Variants in DNER observed in about 807,000 individuals in gnomAD.
The protein encoded by DNER is delta and Notch-like epidermal growth factor-related receptor.
Under a neutral mutation model 78.2 loss-of-function variants are expected in DNER, and 33 were observed. The ratio of observed to expected loss-of-function variants is 0.42; its 90% CI spans 0.32 to 0.56. The LOEUF (loss-of-function observed/expected upper bound fraction) is 0.56, where lower values mean the gene tolerates loss of function less well. DNER is among the 20% of genes least tolerant of loss of function. The probability of loss-of-function intolerance (pLI) is 0.11; values close to 1 mark genes in which losing one functional copy is unlikely to be tolerated. For synonymous variants in DNER, 417 were observed against 384.8 expected (o/e 1.08, Z -0.98); for missense variants, 918 against 975.3 (o/e 0.94, Z 0.78).
At chr2:229,473,990 C>T (rs780570832) in intron 7 of DNER, among the ~76,000 whole-genome samples, 9 of 152,122 alleles carry the variant, frequency 5.9e-5, no homozygotes, top group Non-Finnish European at 1.3e-4. Context: ...ACTGCAACTT[C>T]CGCCTCCTGG....
intron 4 of DNER, among the ~76,000 whole-genome samples, chr2:229,554,862 GAAGA>G (rs1696820932): frequency 2.5e-4 from 9 of 35,422 alleles, no homozygotes; most frequent in Admixed American, 2.0e-3. Flanking sequence ...AAGGAAAAGA[GAAGA>G]GAAGAGAAGA....
intron 4 of DNER, among the ~76,000 whole-genome samples, chr2:229,559,642 G>A (rs1696919264): frequency 6.6e-6 from 1 of 152,064 alleles, no homozygotes; most frequent in East Asian, 1.9e-4. Flanking sequence ...GAAAGGGAAG[G>A]AAGGAGGGAG....
At chr2:229,407,469 G>A (rs1693413936) in intron 9 of DNER, 124 bp from the exon 10 acceptor site, 2 of 760,736 alleles carry the variant, frequency 2.6e-6, no homozygotes, top group South Asian at 1.8e-5. Flanking sequence ...GTGTGTGTGG[G>A]TGAGTGTATA....
intron 1 of DNER, among the ~76,000 whole-genome samples, chr2:229,701,274 C>T (rs1699742678): frequency 6.6e-6 from 1 of 152,194 alleles, no homozygotes; most frequent in Non-Finnish European, 1.5e-5. Flanking sequence ...GCAAAATTTA[C>T]CTTCTACAAT....
chr2:229,467,190 A>G (rs1286456048), intron 7 of DNER, among the ~76,000 whole-genome samples: 1 of 152,158 alleles, frequency 6.6e-6, no homozygotes, highest in Non-Finnish European at 1.5e-5. Context: ...GACTCTAAAC[A>G]TGACAACTTC....
intron 4 of DNER, among the ~76,000 whole-genome samples, chr2:229,554,252 A>G (rs1198009760): frequency 2.6e-5 from 4 of 152,332 alleles, no homozygotes; most frequent in South Asian, 4.1e-4. Context: ...GATGGATTCA[A>G]AAAAGTAGTA....
chr2:229,424,796 CTGT>C (rs1420051968), intron 8 of DNER, among the ~76,000 whole-genome samples: 10 of 152,168 alleles, frequency 6.6e-5, no homozygotes, highest in Non-Finnish European at 1.0e-4. Flanking sequence ...AGTCACAAGA[CTGT>C]TGGTATTTTG....
chr2:229,389,808 T>C (rs1469484931), intron 10 of DNER, among the ~76,000 whole-genome samples: 2 of 152,238 alleles, frequency 1.3e-5, no homozygotes, highest in South Asian at 4.1e-4. Flanking sequence ...TTAAATAAAA[T>C]CTGTTGAACA....
At chr2:229,484,907 C>T (rs1695237441) in intron 6 of DNER, among the ~76,000 whole-genome samples, 1 of 152,270 alleles carries the variant, frequency 6.6e-6, no homozygotes, top group East Asian at 1.9e-4. Context: ...AGAAACAGCA[C>T]CTTCAGAACA....
intron 2 of DNER, among the ~76,000 whole-genome samples, chr2:229,589,017 C>T (rs986603797): frequency 6.6e-6 from 1 of 152,188 alleles, no homozygotes; most frequent in Non-Finnish European, 1.5e-5. Context: ...CTTTCTTTTT[C>T]CTTGTAGGCT....
chr2:229,646,887 G>T (rs1574942117), intron 1 of DNER, among the ~76,000 whole-genome samples: 1 of 152,218 alleles, frequency 6.6e-6, no homozygotes, highest in Non-Finnish European at 1.5e-5. Context: ...AAAACAGAGT[G>T]GCCAGGCATG....
chr2:229,694,385 G>C (rs1323375974), intron 1 of DNER, among the ~76,000 whole-genome samples: 1 of 152,222 alleles, frequency 6.6e-6, no homozygotes, highest in African/African-American at 2.4e-5. Flanking sequence ...GAGAGCCACT[G>C]TCCTCCAGAC....
chr2:229,656,578 C>T (rs1458644723), intron 1 of DNER, among the ~76,000 whole-genome samples: 2 of 152,056 alleles, frequency 1.3e-5, no homozygotes, highest in Admixed American at 6.5e-5. Context: ...CAGCATCTAG[C>T]CCCTCGAACC....
Position 229,418,195 on chromosome 2 carries a change from C to T in DNER, c.1522G>A (p.Glu508Lys). ...HGLYCEEEYN[E>K]CLSAPCLNAA... ...TTCAGGCATGGAGCGGAGAGGCACT[C>T]ATTATATTCCTCCTCACAGTAGAGG... The change falls in exon 9 of 13, where the codon GAG becomes AAG. Residue 508 changes from glutamate (E) to lysine (K), a missense_variant. Transcript: ENST00000341772. The T allele has an allele frequency of 6.2e-7, 1 of 1,614,114 alleles. No homozygotes were observed. The highest frequency in any genetic ancestry group is 8.5e-7 in the Non-Finnish European group (1 of 1,180,006).
chr2:229,608,353 C>T (rs1697979446), intron 1 of DNER, among the ~76,000 whole-genome samples: 1 of 152,210 alleles, frequency 6.6e-6, no homozygotes, highest in South Asian at 2.1e-4. Flanking sequence ...GTAGTTGCAA[C>T]AGACATGTGA....
chr2:229,697,149 G>T (rs1699674724), intron 1 of DNER, among the ~76,000 whole-genome samples: 1 of 152,182 alleles, frequency 6.6e-6, no homozygotes, highest in African/African-American at 2.4e-5. Flanking sequence ...ATGAACAATG[G>T]AATAGTATTC....
chr2:229,644,548 T>C (rs376943759), intron 1 of DNER, among the ~76,000 whole-genome samples: 2 of 152,118 alleles, frequency 1.3e-5, no homozygotes, highest in Non-Finnish European at 2.9e-5. Flanking sequence ...GGTTTTGCCA[T>C]GTTGGCCAAG....
chr2:229,512,571 G>T (rs536619598), intron 6 of DNER, among the ~76,000 whole-genome samples: 1 of 152,140 alleles, frequency 6.6e-6, no homozygotes, highest in South Asian at 2.1e-4. Flanking sequence ...CAGGGGGAAG[G>T]GTGACAAGGG....
At chr2:229,412,145 G>A (rs934125200) in intron 9 of DNER, among the ~76,000 whole-genome samples, 2 of 152,150 alleles carry the variant, frequency 1.3e-5, no homozygotes, top group Non-Finnish European at 2.9e-5. Context: ...TATGAGGTAT[G>A]AACACTTAAC....
Sources: gnomAD v4.1 joint callset for allele counts (sites outside exome capture counted in the v4.1 genomes callset) on GRCh38, gnomAD v4.1.1 for gene constraint, MANE v1.5 for transcripts, NCBI Gene and HGNC (gene_info 2026-07-23, HGNC 2026-07-21) for gene names.